The following NDE1 variants were observed in gnomAD, a reference collection of about 807,000 sequenced individuals.
NDE1 encodes nudE neurodevelopment protein 1.
NDE1 carries 28 observed loss-of-function variants against 43.4 expected under a neutral mutation model. The observed-to-expected ratio is 0.65, with a 90% CI of 0.48 to 0.89. The LOEUF is 0.89. NDE1 is among the 40% of genes least tolerant of loss of function. NDE1 has a pLI of 0.00. For synonymous variants in NDE1, 184 were observed against 172.0 expected, an observed-to-expected ratio of 1.07 and a Z score of -0.55; for missense variants, 441 against 434.1, an observed-to-expected ratio of 1.02 and a Z score of -0.14.
At position 15,667,400 on chromosome 16, in the gene NDE1, C is replaced by G; in HGVS notation, c.198C>G (p.Ser66=). Residue 66 remains serine, a synonymous_variant, in exon 3 of 9, where the codon TCC becomes TCG. Coordinates refer to ENST00000396354, the MANE Select transcript of NDE1 (RefSeq NM_017668.3). The stretch of plus-strand genomic sequence containing the variant: ...AAACCAGGAACAGAGACCTCCTGTC[C>G]GAAAATAACCGCCTTCGCATGGAGC... ...QIETRNRDLL[S]ENNRLRMELE... is the part of the protein sequence containing the mutation. 2 of 1,613,836 alleles carry G rather than the reference C, an allele frequency of 1.2e-6. No individual in the cohort carries two copies. The highest frequency in any genetic ancestry group is 1.7e-6 in the Non-Finnish European group (2 of 1,179,882).
At chr16:15,720,324 A>C (rs767851663) in intron 8 of NDE1, 2 of 1,612,548 alleles carry the variant, frequency 1.2e-6, no homozygotes, top group Non-Finnish European at 1.7e-6. Flanking sequence ...TGGGCGAGGA[A>C]TAGAGATGTG....
At chr16:15,647,531 G>C (rs950046451), upstream of NDE1, among the ~76,000 whole-genome samples, 1 of 152,118 alleles carries the variant, frequency 6.6e-6, no homozygotes, top group South Asian at 2.1e-4. Context: ...GGCCTTCCCT[G>C]ACTATAGCAT....
At chr16:15,720,764 C>T in intron 8 of NDE1, 3 of 1,489,864 alleles carry the variant, frequency 2.0e-6, no homozygotes, top group South Asian at 2.3e-5. Flanking sequence ...AGTTTCCACA[C>T]CAACCATGAG....
At chr16:15,699,711 G>T (rs773669926) in intron 8 of NDE1, 1 of 1,347,570 alleles carries the variant, frequency 7.4e-7, no homozygotes, top group Admixed American at 1.9e-5. Context: ...AGCTTAATTT[G>T]GTTTGCTCTG....
rs2039464084 is a variant in NDE1 at position 15,706,512 on chromosome 16, A to C, written c.947+9652A>C. ...CTCGTGAGGTCAGTTGTTCGAGGCC[A>C]TCCTGGCCAATATGGTGAAACCCCG... On this transcript the variant is annotated intron_variant, in intron 8 of 8. Coordinates refer to ENST00000396354, the MANE Select transcript of NDE1 (RefSeq NM_017668.3). Among the ~76,000 whole-genome samples the C allele has an allele frequency of 2.6e-5, 4 of 152,150 alleles. 1 individual carries two copies. In the South Asian group the frequency reaches 8.3e-4, roughly 31 times the overall value.
chr16:15,721,753 T>C, intron 8 of NDE1: 1 of 1,039,798 alleles, frequency 9.6e-7, no homozygotes, highest in South Asian at 1.3e-5. Flanking sequence ...GTGTAAGCAG[T>C]GTAGGTTAGC....
intron 8 of NDE1, chr16:15,718,312 C>T: frequency 6.2e-7 from 1 of 1,608,860 alleles, no homozygotes; most frequent in Non-Finnish European, 8.5e-7. Flanking sequence ...AGGCGGCCCT[C>T]ACCTGCTGTG....
intron 8 of NDE1, chr16:15,721,103 G>A (rs552279946): frequency 1.0e-5 from 16 of 1,594,770 alleles, no homozygotes; most frequent in Middle Eastern, 1.7e-4. Flanking sequence ...TCATGAAGAC[G>A]ATTGAGAAAC....
At chr16:15,648,372 T>C (rs1302204689), upstream of NDE1, among the ~76,000 whole-genome samples, 2 of 152,174 alleles carry the variant, frequency 1.3e-5, no homozygotes, top group East Asian at 3.9e-4. Context: ...ATGAACATGT[T>C]ATGACAGGAT....
chr16:15,725,198 G>A lies in NDE1; in HGVS notation c.*947G>A, dbSNP rs760023. ...GAATCTGTGGCTTGAAGGGAACTCCGTCACCTATGAGTTGGGACCCTGGCC... is the reference window on the plus strand; with the variant it reads ...GAATCTGTGGCTTGAAGGGAACTCCATCACCTATGAGTTGGGACCCTGGCC... On this transcript the variant is annotated 3_prime_UTR_variant, in exon 9 of 9. Transcript: ENST00000396354. 0.041 allele frequency: 25,279 copies of A among 617,642 alleles called. 1,907 individuals carry two copies. Among genetic ancestry groups the A allele is most frequent in the African/African-American group, 0.25 (13,586 of 53,896 alleles). 38.3% of individuals were successfully genotyped at this position (617,642 alleles called of 1,614,324 possible).
chr16:15,670,875 C>A (rs1351966614), intron 3 of NDE1, among the ~76,000 whole-genome samples: 1 of 151,884 alleles, frequency 6.6e-6, no homozygotes, highest in Non-Finnish European at 1.5e-5. Context: ...GGTGTGGGAC[C>A]AACAAATGGA....
chr16:15,672,955 C>G (rs780584204), intron 3 of NDE1, among the ~76,000 whole-genome samples: 4 of 152,156 alleles, frequency 2.6e-5, no homozygotes, highest in Non-Finnish European at 2.9e-5. Context: ...GTCCGCCCTC[C>G]TCATCCTTCC....
intron 8 of NDE1, among the ~76,000 whole-genome samples, chr16:15,707,430 C>G (rs1489464953): frequency 6.6e-6 from 1 of 152,150 alleles, no homozygotes; most frequent in African/African-American, 2.4e-5. Flanking sequence ...TTCCCACTGA[C>G]CAGTGGGTTC....
Position 15,717,191 on chromosome 16 carries a change from G to A in NDE1, c.948-7000G>A, listed in dbSNP as rs771343446. 1.3e-5 allele frequency: 21 copies of A among 1,614,030 alleles called. No individual in the cohort carries two copies. Among genetic ancestry groups the A allele is most frequent in the South Asian group, 4.4e-5 (4 of 91,084 alleles). On this transcript the variant is annotated intron_variant, in intron 8 of 8. Coordinates refer to ENST00000396354, the MANE Select transcript of NDE1 (RefSeq NM_017668.3). ...CAGCTGTGCAATCTTGGCCTCCAGC[G>A]CCGCGATGGTGGACTTGAACTTGGA...
At chr16:15,675,047 A>G (rs1487452464) in intron 3 of NDE1, among the ~76,000 whole-genome samples, 1 of 151,992 alleles carries the variant, frequency 6.6e-6, no homozygotes, top group African/African-American at 2.4e-5. Context: ...TTGTCTGAAG[A>G]TTGCTGGGGG....
chr16:15,690,359 T>C (rs1265084229), intron 5 of NDE1, among the ~76,000 whole-genome samples: 5 of 99,430 alleles, frequency 5.0e-5, no homozygotes, highest in South Asian at 3.5e-4. Flanking sequence ...TTTTCTTTTT[T>C]TTTTTTTTTT....
chr16:15,700,112 T>G (rs1389830434), intron 8 of NDE1: 20 of 1,122,450 alleles, frequency 1.8e-5, no homozygotes, highest in Non-Finnish European at 2.0e-5. Context: ...CCGTGTTGTT[T>G]TTGAGATAGA....
At chr16:15,645,140 G>A (rs12922083) in intron 1 of NDE1, among the ~76,000 whole-genome samples, 1 of 151,964 alleles carries the variant, frequency 6.6e-6, no homozygotes, top group Non-Finnish European at 1.5e-5. Context: ...GGCTGGTCTC[G>A]AACTCCTAGC....
intron 5 of NDE1, among the ~76,000 whole-genome samples, chr16:15,688,995 G>A (rs1195178827): frequency 6.6e-6 from 1 of 152,028 alleles, no homozygotes; most frequent in African/African-American, 2.4e-5. Context: ...ACTGTTGCTG[G>A]CCCAATTAAT....
Sources: gnomAD v4.1 joint callset for allele counts (sites outside exome capture counted in the v4.1 genomes callset) on GRCh38, gnomAD v4.1.1 for gene constraint, MANE v1.5 for transcripts, NCBI Gene and HGNC (gene_info 2026-07-23, HGNC 2026-07-21) for gene names.